CALN1: variants seen among roughly 807,000 people sequenced by gnomAD.
CALN1 encodes the protein calcium-binding protein 8.
A neutral mutation model predicts 30.6 loss-of-function variants in CALN1; 17 were observed. The ratio of observed to expected loss-of-function variants is 0.56; its 90% CI spans 0.38 to 0.83. The LOEUF (loss-of-function observed/expected upper bound fraction) is 0.83. Among genes scored for constraint, CALN1 ranks in the 40% least tolerant of loss-of-function variants. The pLI is 0.00. For missense variants in CALN1, 291 were observed against 354.9 expected (o/e 0.82, Z 1.45); for synonymous variants, 156 against 131.4 (o/e 1.19, Z -1.28).
chr7:72,471,062 C>T, the CALN1 span, among the ~76,000 whole-genome samples: 2 of 152,132 alleles, frequency 1.3e-5, no homozygotes, highest in Non-Finnish European at 2.9e-5. Context: ...TCAAGCAATC[C>T]TCCCACCTCA....
chr7:72,056,370 A>T (rs566871656), intron 4 of CALN1, among the ~76,000 whole-genome samples: 3 of 152,298 alleles, frequency 2.0e-5, no homozygotes, highest in East Asian at 3.9e-4. Flanking sequence ...GAGATAAACA[A>T]AACAGGGCAA....
At chr7:72,460,281 A>T in the CALN1 span, among the ~76,000 whole-genome samples, 1 of 152,334 alleles carries the variant, frequency 6.6e-6, no homozygotes, top group African/African-American at 2.4e-5. Context: ...AAACGATGTC[A>T]CTTATGAAGG....
the CALN1 span, among the ~76,000 whole-genome samples, chr7:72,461,786 T>C: frequency 1.3e-5 from 2 of 152,178 alleles, no homozygotes; most frequent in Non-Finnish European, 2.9e-5. Context: ...GGTGGGTGGA[T>C]CACCTGAAGC....
intron 5 of CALN1, among the ~76,000 whole-genome samples, chr7:71,856,027 T>C (rs1790926843): frequency 6.6e-6 from 1 of 151,950 alleles, no homozygotes; most frequent in Admixed American, 6.6e-5. Flanking sequence ...TGTATGTATG[T>C]ATTTTGTATA....
intron 5 of CALN1, among the ~76,000 whole-genome samples, chr7:71,844,197 T>A (rs1025241579): frequency 6.6e-6 from 1 of 152,168 alleles, no homozygotes; most frequent in African/African-American, 2.4e-5. Context: ...TTCTTGGGAA[T>A]TCCTTTTATG....
At chr7:72,067,778 T>C (rs943650721) in intron 4 of CALN1, among the ~76,000 whole-genome samples, 3 of 152,046 alleles carry the variant, frequency 2.0e-5, no homozygotes, top group Middle Eastern at 3.4e-3. Context: ...CTTGGTATGC[T>C]TGGGCCCCAG....
At chr7:72,468,642 C>T in the CALN1 span, among the ~76,000 whole-genome samples, 1 of 152,198 alleles carries the variant, frequency 6.6e-6, no homozygotes, top group Admixed American at 6.5e-5. Flanking sequence ...GCACAACCAA[C>T]TGTTTTCCAC....
rs372867532 is a variant in CALN1 at position 71,847,719 on chromosome 7, G to GAAGAAGA, written c.502-37234_502-37228dup. On this transcript the variant is annotated intron_variant, in intron 5 of 6. Transcript: ENST00000395275. Reference sequence around the variant, plus strand: ...GGAAGAAGAAAGAAGAAAGAAGAAAGAAGAAGAAAGAAGAAAGAAGAAAGA... The same window carrying GAAGAAGA: ...GGAAGAAGAAAGAAGAAAGAAGAAAGAAGAAGAAAGAAGAAAGAAGAAAGAAGAAAGA... Among the ~76,000 whole-genome samples, 93 of 120,544 alleles carry GAAGAAGA rather than the reference G, an allele frequency of 7.7e-4. 1 individual carries two copies. The highest frequency in any genetic ancestry group is 6.9e-3 in the Admixed American group (77 of 11,158). 79.1% of individuals were successfully genotyped at this position (120,544 alleles called of 152,430 possible). A position where few individuals can be genotyped will look rare whatever the true frequency, so the allele number is the denominator to read the frequency against.
At chr7:72,358,317 G>T (rs552111520) in intron 2 of CALN1, among the ~76,000 whole-genome samples, 2 of 151,964 alleles carry the variant, frequency 1.3e-5, no homozygotes, top group Non-Finnish European at 2.9e-5. Context: ...AAATTTTCAC[G>T]TGGAGTGATA....
intron 3 of CALN1, among the ~76,000 whole-genome samples, chr7:72,208,248 T>C (rs1224524192): frequency 6.6e-6 from 1 of 152,232 alleles, no homozygotes; most frequent in Non-Finnish European, 1.5e-5. Context: ...TTTATGATAT[T>C]CTTACGTTGA....
chr7:72,056,704 G>A (rs1004414277), intron 4 of CALN1, among the ~76,000 whole-genome samples: 3 of 152,138 alleles, frequency 2.0e-5, no homozygotes, highest in African/African-American at 7.2e-5. Flanking sequence ...AATAATCTAG[G>A]AAAACTCTAT....
intron 2 of CALN1, among the ~76,000 whole-genome samples, chr7:72,306,435 A>G (rs1202134594): frequency 6.6e-6 from 1 of 152,128 alleles, no homozygotes; most frequent in Non-Finnish European, 1.5e-5. Flanking sequence ...TTTTATCTTA[A>G]CCTAAACATT....
At position 72,357,078 on chromosome 7, in the gene CALN1, G is replaced by A. The variant is rs75148666; in HGVS notation, c.119+46173C>T. 5.9e-4 allele frequency among the ~76,000 whole-genome samples: 90 copies of A among 152,074 alleles called. 1 individual carries two copies. In the East Asian group the frequency reaches 0.014, roughly 23 times the overall value. ...CCTGAAACCTACAAAAACCAACAAA[G>A]GAACTAATGATTAAAATGAAAACCA... On this transcript the variant is annotated intron_variant, in intron 2 of 6. Transcript: ENST00000395275.
chr7:72,359,990 A>AAAAAAAAAAAAAAAC (rs1365927582), intron 2 of CALN1, among the ~76,000 whole-genome samples: 13 of 148,292 alleles, frequency 8.8e-5, no homozygotes, highest in African/African-American at 2.5e-4. Context: ...AAAAAAAAAA[A>AAAAAAAAAAAAAAAC]ACCAAAGTTG....
chr7:72,363,056 G>A (rs950474823), intron 2 of CALN1, among the ~76,000 whole-genome samples: 9 of 152,062 alleles, frequency 5.9e-5, no homozygotes, highest in African/African-American at 1.9e-4. Flanking sequence ...AAGTTCAGGG[G>A]GTACATGTGA....
At chr7:72,252,656 G>T (rs10239699) in intron 3 of CALN1, among the ~76,000 whole-genome samples, 28,445 of 151,132 alleles carry the variant, frequency 0.19, 3,731 homozygotes, top group East Asian at 0.43. Context: ...GAGGGACGGA[G>T]ATCCAGAATC....
chr7:72,386,405 A>G (rs994196989), intron 2 of CALN1, among the ~76,000 whole-genome samples: 4 of 152,224 alleles, frequency 2.6e-5, no homozygotes, highest in African/African-American at 9.6e-5. Flanking sequence ...AACTCACTGC[A>G]AAGGAACTAT....
intron 3 of CALN1, among the ~76,000 whole-genome samples, chr7:72,224,414 C>A (rs903933820): frequency 1.2e-4 from 19 of 152,230 alleles, no homozygotes; most frequent in African/African-American, 4.6e-4. Context: ...AAACAAGTGA[C>A]TTCTTTTAAT....
At chr7:72,402,886 C>A (rs1375988535) in intron 2 of CALN1, among the ~76,000 whole-genome samples, 2 of 152,166 alleles carry the variant, frequency 1.3e-5, no homozygotes, top group African/African-American at 2.4e-5. Context: ...ATTAACAATA[C>A]CCTCATAAAA....
Sources: gnomAD v4.1 joint callset for allele counts (sites outside exome capture counted in the v4.1 genomes callset) on GRCh38, gnomAD v4.1.1 for gene constraint, MANE v1.5 for transcripts, NCBI Gene and HGNC (gene_info 2026-07-23, HGNC 2026-07-21) for gene names.